Variants in SAP130 observed in about 807,000 individuals in gnomAD.
SAP130 encodes the protein histone deacetylase complex subunit SAP130.
SAP130 carries 16 observed loss-of-function variants against 103.2 expected under a neutral mutation model. That is an observed-to-expected ratio of 0.16 (90% CI 0.10 to 0.24). SAP130 has a LOEUF of 0.24. SAP130 is among the 10% of genes least tolerant of loss of function. The pLI is 1.00. For synonymous variants in SAP130, 477 were observed against 497.0 expected, an observed-to-expected ratio of 0.96 and a Z score of 0.53; for missense variants, 990 against 1,359.7, an observed-to-expected ratio of 0.73 and a Z score of 4.28.
chr2:128,015,914 T>A (rs969068136), intron 4 of SAP130, among the ~76,000 whole-genome samples: 18 of 147,818 alleles, frequency 1.2e-4, no homozygotes, highest in African/African-American at 4.1e-4. Flanking sequence ...ACACTCCAGC[T>A]TGGGTGACAC....
chr2:128,010,458 T>C (rs1684313119), intron 6 of SAP130, 65 bp from the exon 7 acceptor site: 2 of 1,475,800 alleles, frequency 1.4e-6, no homozygotes, highest in Non-Finnish European at 1.8e-6. Flanking sequence ...AAATACTAAA[T>C]GTGTAATTTG....
In SAP130 at chr2:127,955,374, AAAT is replaced by A; in HGVS notation, c.2064-33_2064-31del. 2.0e-6 allele frequency: 3 copies of A among 1,483,302 alleles called. No homozygotes were observed. Among genetic ancestry groups the A allele is most frequent in the Non-Finnish European group, 2.7e-6 (3 of 1,100,336 alleles). The allele number at this position is 1,483,302 out of a possible 1,614,324, so 91.9% of individuals were successfully genotyped here. On this transcript the variant is annotated intron_variant, in intron 15 of 20. Coordinates refer to ENST00000643581, the MANE Select transcript of SAP130 (RefSeq NM_001330301.2). The surrounding 1 kb of genome is among the most constrained non-coding windows in gnomAD (Gnocchi z 4.9). ...AACACAAAAGAAAAGCACATGTAGCAAATAAGAAAAAAACTGCCTTCATCTACA... is the reference window on the plus strand; with the variant it reads ...AACACAAAAGAAAAGCACATGTAGCAAAGAAAAAAACTGCCTTCATCTACA...
chr2:127,970,272 G>A lies in SAP130; in HGVS notation c.2063+7713C>T, dbSNP rs548080777. On this transcript the variant is annotated intron_variant, in intron 15 of 20. Coordinates refer to ENST00000643581, the MANE Select transcript of SAP130 (RefSeq NM_001330301.2). ...ATTAGCTGGGCATGGGCCAGGTACA[G>A]TGGCTCATGCCTGTAATCCCAGCAC... Among the ~76,000 whole-genome samples, 4 of 148,894 alleles carry A rather than the reference G, an allele frequency of 2.7e-5. No homozygotes were observed. In the Admixed American group the frequency reaches 2.7e-4, roughly 10 times the overall value.
At chr2:127,946,720 T>C (rs1679101183) in intron 18 of SAP130, among the ~76,000 whole-genome samples, 1 of 151,106 alleles carries the variant, frequency 6.6e-6, no homozygotes, top group Admixed American at 6.6e-5. Context: ...CTGTCTCTAC[T>C]AAAAATACAA....
intron 7 of SAP130, among the ~76,000 whole-genome samples, chr2:128,001,676 A>G (rs1473713822): frequency 3.9e-5 from 6 of 152,192 alleles, no homozygotes; most frequent in African/African-American, 1.4e-4. Context: ...AGGTCTACAA[A>G]CTAGGAGCAA....
intron 2 of SAP130, among the ~76,000 whole-genome samples, chr2:128,022,361 C>A (rs1432752021): frequency 2.6e-5 from 4 of 152,222 alleles, no homozygotes; most frequent in Non-Finnish European, 4.4e-5. Context: ...CTGTCACCAT[C>A]TGATAGACAT....
intron 15 of SAP130, among the ~76,000 whole-genome samples, chr2:127,973,767 G>A (rs144662440): frequency 6.6e-6 from 1 of 151,978 alleles, no homozygotes; most frequent in Non-Finnish European, 1.5e-5. Flanking sequence ...ATCATATCAA[G>A]AATCCAAACA....
At chr2:127,960,082 A>G (rs1680133734) in intron 15 of SAP130, among the ~76,000 whole-genome samples, 1 of 152,192 alleles carries the variant, frequency 6.6e-6, no homozygotes, top group Non-Finnish European at 1.5e-5. Context: ...CCGAAGATGG[A>G]TCAGTATTAT....
chr2:128,019,153 T>C (rs1404987304), intron 2 of SAP130, among the ~76,000 whole-genome samples: 1 of 152,062 alleles, frequency 6.6e-6, no homozygotes, highest in African/African-American at 2.4e-5. Context: ...TTTAAGAACA[T>C]ATAATTTTTC....
At chr2:128,027,125 T>C (rs1175246498) in intron 1 of SAP130, 3 of 1,399,508 alleles carry the variant, frequency 2.1e-6, no homozygotes, top group Non-Finnish European at 1.9e-6. Flanking sequence ...CACCGCCCGC[T>C]TCTATCTCGC....
chr2:127,944,740 T>A (rs578033510), intron 19 of SAP130, among the ~76,000 whole-genome samples: 10 of 151,936 alleles, frequency 6.6e-5, no homozygotes, highest in Admixed American at 1.3e-4. Context: ...CAAAAAATTT[T>A]AAAAAATCAG....
At chr2:127,994,629 T>C (rs1025994844) in intron 11 of SAP130, among the ~76,000 whole-genome samples, 1 of 151,938 alleles carries the variant, frequency 6.6e-6, no homozygotes, top group Non-Finnish European at 1.5e-5. Context: ...CATGATTGCA[T>C]GTGCCTGCAG....
chr2:127,971,511 T>G (rs1444683989), intron 15 of SAP130, among the ~76,000 whole-genome samples: 1 of 152,086 alleles, frequency 6.6e-6, no homozygotes, highest in Non-Finnish European at 1.5e-5. Flanking sequence ...ATGGTCTCGA[T>G]CTCCTGACCT....
intron 9 of SAP130, 46 bp downstream of exon 9, chr2:128,000,010 G>C: frequency 6.4e-7 from 1 of 1,563,138 alleles, no homozygotes; most frequent in Non-Finnish European, 8.8e-7. Flanking sequence ...CATCACTCTT[G>C]CCTCCTTTTT....
At chr2:127,998,565 T>C (rs1683330357) in intron 10 of SAP130, among the ~76,000 whole-genome samples, 1 of 152,320 alleles carries the variant, frequency 6.6e-6, no homozygotes. Context: ...GATCCTATTA[T>C]AATACAGAAA....
In SAP130 at chr2:127,955,746, C is replaced by A. The variant is rs1483833698; in HGVS notation, c.2064-402G>T. 2.6e-5 allele frequency among the ~76,000 whole-genome samples: 4 copies of A among 152,132 alleles called. No homozygotes were observed. The highest frequency in any genetic ancestry group is 2.6e-4 in the Admixed American group (4 of 15,266). ...CAAGTGATCCGCCTGCCTCGGCCTC[C>A]CAAAGTGATGGGATTACAGGTGTGA... On this transcript the variant is annotated intron_variant, in intron 15 of 20. Transcript: ENST00000643581. This position sits in a 1 kb window ranked among gnomAD's most constrained non-coding sequence, Gnocchi z 4.9.
At position 127,986,155 on chromosome 2, in the gene SAP130, A is replaced by T. The variant is rs545523760; in HGVS notation, c.1958+630T>A. ...ATACAGAAAGCTCTCTGTCCTTGCC[A>T]TAAGGCAGGGGTCTAATTGAGCTGG... is the stretch of plus-strand genomic sequence containing the variant. On this transcript the variant is annotated intron_variant, in intron 14 of 20. Transcript: ENST00000643581. The surrounding 1 kb of genome is among the most constrained non-coding windows in gnomAD (Gnocchi z 4.7). 6.6e-6 allele frequency among the ~76,000 whole-genome samples: 1 copy of T among 152,368 alleles called. No individual in the cohort carries two copies. The highest frequency in any genetic ancestry group is 1.5e-5 in the Non-Finnish European group (1 of 68,024).
chr2:127,978,664 T>C (rs900977189), intron 14 of SAP130, among the ~76,000 whole-genome samples: 2 of 152,144 alleles, frequency 1.3e-5, no homozygotes, highest in African/African-American at 4.8e-5. Flanking sequence ...AGAGTGGATC[T>C]GAGAGAAAAT....
At chr2:128,014,618 T>C (rs946261390) in intron 5 of SAP130, among the ~76,000 whole-genome samples, 185 bp downstream of exon 5, 1 of 152,218 alleles carries the variant, frequency 6.6e-6, no homozygotes, top group Admixed American at 6.5e-5. Context: ...TTTATAGACA[T>C]GAACCGCAGC....
Sources: gnomAD v4.1 joint callset for allele counts (sites outside exome capture counted in the v4.1 genomes callset) on GRCh38, gnomAD v4.1.1 for gene constraint, Gnocchi (gnomAD v3.1) non-coding constraint, MANE v1.5 for transcripts, NCBI Gene and HGNC (gene_info 2026-07-23, HGNC 2026-07-21) for gene names.